The following CELF4 variants were observed in gnomAD, a reference collection of about 807,000 sequenced individuals.
CELF4 encodes the protein CUGBP Elav-like family member 4.
A neutral mutation model predicts 59.9 loss-of-function variants in CELF4; 18 were observed. The ratio of observed to expected loss-of-function variants is 0.30; its 90% CI spans 0.21 to 0.45. CELF4 has a LOEUF of 0.45. CELF4 is among the 20% of genes least tolerant of loss of function. The probability of loss-of-function intolerance (pLI) is 1.00; values close to 1 mark genes in which losing one functional copy is unlikely to be tolerated. For synonymous variants in CELF4, 261 were observed against 267.1 expected, an observed-to-expected ratio of 0.98 and a Z score of 0.22; for missense variants, 456 against 689.0, an observed-to-expected ratio of 0.66 and a Z score of 3.79.
At chr18:37,262,084 C>T (rs958172674) in intron 10 of CELF4, among the ~76,000 whole-genome samples, 11 of 152,206 alleles carry the variant, frequency 7.2e-5, no homozygotes, top group African/African-American at 1.9e-4. Flanking sequence ...CTTTTAATCC[C>T]GCTGTTCCCC....
At chr18:37,417,236 G>C (rs2099536493) in intron 2 of CELF4, among the ~76,000 whole-genome samples, 1 of 152,152 alleles carries the variant, frequency 6.6e-6, no homozygotes, top group Non-Finnish European at 1.5e-5. Context: ...TGGGAGCTGG[G>C]TCTGGGGGGT....
At chr18:37,460,637 A>G (rs2099790934) in intron 2 of CELF4, among the ~76,000 whole-genome samples, 1 of 152,246 alleles carries the variant, frequency 6.6e-6, no homozygotes, top group Non-Finnish European at 1.5e-5. Flanking sequence ...ACTGCTGCTC[A>G]GGAGATAATT....
chr18:37,525,658 T>A (rs2099963083), intron 1 of CELF4, among the ~76,000 whole-genome samples: 1 of 152,162 alleles, frequency 6.6e-6, no homozygotes, highest in Admixed American at 6.5e-5. Context: ...CCTTGGTGAC[T>A]GGCTGATGGG....
Position 37,290,320 on chromosome 18 carries a change from A to G in CELF4, c.449-15077T>C, listed in dbSNP as rs1398736500. On this transcript the variant is annotated intron_variant, in intron 3 of 12. Coordinates refer to ENST00000420428, the MANE Select transcript of CELF4 (RefSeq NM_020180.4). ...GCTTCATCCACAGGTATATGTGACTATTTTTCAAATGCATCTAGATGATGT... is the reference window on the plus strand; with the variant it reads ...GCTTCATCCACAGGTATATGTGACTGTTTTTCAAATGCATCTAGATGATGT... Among the ~76,000 whole-genome samples, 5 of 152,266 alleles carry G rather than the reference A, an allele frequency of 3.3e-5. No homozygotes were observed. In the South Asian group the frequency reaches 8.3e-4, roughly 25 times the overall value.
chr18:37,434,616 G>C (rs1009347437), intron 2 of CELF4, among the ~76,000 whole-genome samples: 26 of 152,312 alleles, frequency 1.7e-4, no homozygotes, highest in African/African-American at 6.3e-4. Flanking sequence ...CCTCCCTGGT[G>C]GGGTGAATGA....
intron 2 of CELF4, among the ~76,000 whole-genome samples, chr18:37,479,867 C>T (rs924588474): frequency 7.9e-5 from 12 of 152,218 alleles, no homozygotes; most frequent in Admixed American, 3.9e-4. Context: ...GGCCCTAACG[C>T]GATATGACTG....
chr18:37,299,006 G>A (rs2095842934), intron 3 of CELF4, among the ~76,000 whole-genome samples: 1 of 152,182 alleles, frequency 6.6e-6, no homozygotes, highest in Non-Finnish European at 1.5e-5. Flanking sequence ...ACCTTCTGTG[G>A]AACAATTCAA....
At chr18:37,257,363 A>G (rs1383705300) in intron 11 of CELF4, among the ~76,000 whole-genome samples, 1 of 152,206 alleles carries the variant, frequency 6.6e-6, no homozygotes, top group East Asian at 1.9e-4. Context: ...TTGTTTTTAC[A>G]TACATAACTG....
At chr18:37,309,155 G>T (rs2096555119) in intron 3 of CELF4, among the ~76,000 whole-genome samples, 1 of 152,206 alleles carries the variant, frequency 6.6e-6, no homozygotes, top group Admixed American at 6.5e-5. Flanking sequence ...ATCCTTAATG[G>T]ATCTGATGGT....
At chr18:37,536,373 T>G (rs910580871) in intron 1 of CELF4, among the ~76,000 whole-genome samples, 3 of 152,098 alleles carry the variant, frequency 2.0e-5, no homozygotes, top group African/African-American at 7.2e-5. Context: ...GACTGGAAAC[T>G]CTTTCTTCTC....
chr18:37,378,609 G>A (rs1260266824), intron 2 of CELF4, among the ~76,000 whole-genome samples: 1 of 152,196 alleles, frequency 6.6e-6, no homozygotes, highest in Non-Finnish European at 1.5e-5. Context: ...TCATTGCCAT[G>A]AAATAAACAC....
intron 2 of CELF4, among the ~76,000 whole-genome samples, chr18:37,441,505 T>C (rs77194042): frequency 1.3e-5 from 2 of 152,222 alleles, no homozygotes; most frequent in East Asian, 3.9e-4. Context: ...TGGGAAGATA[T>C]TATTTACAGT....
At chr18:37,546,706 G>A (rs1048862994) in intron 1 of CELF4, among the ~76,000 whole-genome samples, 3 of 152,168 alleles carry the variant, frequency 2.0e-5, no homozygotes, top group Admixed American at 1.3e-4. Context: ...CAACACACAC[G>A]TGCATGCTCC....
chr18:37,250,307 G>T (rs749520471), intron 12 of CELF4, among the ~76,000 whole-genome samples: 1 of 152,124 alleles, frequency 6.6e-6, no homozygotes, highest in Non-Finnish European at 1.5e-5. Flanking sequence ...CAGAAAACCC[G>T]CCAGGAAGGA....
intron 1 of CELF4, among the ~76,000 whole-genome samples, chr18:37,562,377 CTT>C (rs5824077): frequency 2.7e-5 from 4 of 145,722 alleles, no homozygotes; most frequent in East Asian, 2.0e-4. Context: ...TTTCCTTTTC[CTT>C]TTTTTTTTTT....
chr18:37,326,201 G>A (rs2097304653), intron 2 of CELF4, among the ~76,000 whole-genome samples: 1 of 152,196 alleles, frequency 6.6e-6, no homozygotes, highest in African/African-American at 2.4e-5. Context: ...TGCCGGAGAG[G>A]GCGAGGGCAA....
At position 37,244,305 on chromosome 18, in the gene CELF4, A is replaced by G. The variant is rs1395088026; in HGVS notation, c.*937T>C. The G allele has an allele frequency of 6.6e-6, 1 of 152,484 alleles. No homozygotes were observed. Among genetic ancestry groups the G allele is most frequent in the Non-Finnish European group, 1.5e-5 (1 of 68,006 alleles). 9.4% of individuals were successfully genotyped at this position (152,484 alleles called of 1,614,324 possible). A position where few individuals can be genotyped will look rare whatever the true frequency, so the allele number is the denominator to read the frequency against. On this transcript the variant is annotated 3_prime_UTR_variant, in exon 13 of 13. Transcript: ENST00000420428. The stretch of plus-strand genomic sequence containing the variant: ...AAGCATTTACAGACTTTTCACAACA[A>G]TGACCTTGCTTGGTAAGTCCCATTT...
intron 2 of CELF4, among the ~76,000 whole-genome samples, chr18:37,325,476 A>G (rs1465668448): frequency 1.3e-5 from 2 of 152,180 alleles, no homozygotes; most frequent in Non-Finnish European, 2.9e-5. Context: ...TCCACCCTAG[A>G]TGCCACCCCA....
At chr18:37,444,325 G>A (rs1014504875) in intron 2 of CELF4, among the ~76,000 whole-genome samples, 10 of 152,164 alleles carry the variant, frequency 6.6e-5, no homozygotes, top group African/African-American at 2.2e-4. Flanking sequence ...TCCAGAGCCC[G>A]AGATAGGTCT....
Sources: gnomAD v4.1 joint callset for allele counts (sites outside exome capture counted in the v4.1 genomes callset) on GRCh38, gnomAD v4.1.1 for gene constraint, MANE v1.5 for transcripts, NCBI Gene and HGNC (gene_info 2026-07-23, HGNC 2026-07-21) for gene names.